The following CPNE3 variants were observed in gnomAD, a reference collection of about 807,000 sequenced individuals.
CPNE3 encodes copine 3, also known as copine-3.
CPNE3 carries 68 observed loss-of-function variants against 63.9 expected under a neutral mutation model. That is an observed-to-expected ratio of 1.06 (90% CI 0.87 to 1.30). CPNE3 has a LOEUF of 1.30. Among genes scored for constraint, CPNE3 ranks in the 50% most tolerant of loss-of-function variants. The pLI is 0.00. For synonymous variants in CPNE3, 219 were observed against 197.5 expected (o/e 1.11, Z -0.91); for missense variants, 665 against 578.1 (o/e 1.15, Z -1.54).
intron 9 of CPNE3, among the ~76,000 whole-genome samples, chr8:86,546,140 C>T (rs1291443962): frequency 6.6e-6 from 1 of 151,942 alleles, no homozygotes; most frequent in East Asian, 1.9e-4. Flanking sequence ...TAGAGTTGGG[C>T]TTCATATATT....
chr8:86,537,989 A>T (rs746990213), intron 7 of CPNE3, among the ~76,000 whole-genome samples: 172 of 149,682 alleles, frequency 1.1e-3, no homozygotes, highest in Non-Finnish European at 2.0e-3. Flanking sequence ...TCTCTCTCTC[A>T]CACACACACA....
Position 86,558,150 on chromosome 8 carries a change from C to T in CPNE3, c.1492-138C>T, listed in dbSNP as rs140637168. The T allele has an allele frequency of 3.1e-3, 1,917 of 623,144 alleles. 32 individuals are homozygous for T. The African/African-American group carries it at 0.031, about 10-fold the overall frequency. 38.6% of individuals were successfully genotyped at this position (623,144 alleles called of 1,614,324 possible). ...GTTAACTCATTCCATATTTCATGGG[C>T]GGTTCCTAAGAAAAGGTACAGGCCT... On this transcript the variant is annotated intron_variant, in intron 16 of 16. Coordinates refer to ENST00000517490, the MANE Select transcript of CPNE3 (RefSeq NM_003909.5).
intron 2 of CPNE3, among the ~76,000 whole-genome samples, chr8:86,526,434 T>C (rs1820541617): frequency 6.6e-6 from 1 of 151,956 alleles, no homozygotes. Flanking sequence ...CAGATAGTGA[T>C]AAAATGATAA....
chr8:86,552,892 T>G (rs1395165923), intron 14 of CPNE3, among the ~76,000 whole-genome samples: 26 of 117,974 alleles, frequency 2.2e-4, no homozygotes, highest in Non-Finnish European at 3.8e-4. Context: ...CAGGCTGGAG[T>G]GCAATGGCAC....
At chr8:86,535,504 G>A (rs1029312760) in intron 6 of CPNE3, among the ~76,000 whole-genome samples, 1 of 151,788 alleles carries the variant, frequency 6.6e-6, no homozygotes, top group Non-Finnish European at 1.5e-5. Context: ...CCTGTGTCTA[G>A]TAAAAATACA....
chr8:86,515,871 A>C (rs1312318183), intron 2 of CPNE3, among the ~76,000 whole-genome samples: 1 of 152,234 alleles, frequency 6.6e-6, no homozygotes, highest in African/African-American at 2.4e-5. Flanking sequence ...AGCCAGAGCC[A>C]AACAGAACTT....
At chr8:86,518,651 T>G (rs1460847091) in intron 2 of CPNE3, among the ~76,000 whole-genome samples, 6 of 152,232 alleles carry the variant, frequency 3.9e-5, no homozygotes, top group Admixed American at 3.9e-4. Context: ...GTAGGGGGTG[T>G]ATACCAACTT....
At chr8:86,515,070 A>C (rs1820251697) in intron 1 of CPNE3, 1 of 152,252 alleles carries the variant, frequency 6.6e-6, no homozygotes, top group African/African-American at 2.4e-5. Context: ...GAGTGGGAAG[A>C]GGTGACTCTT....
chr8:86,530,170 CTTTTT>C (rs71275863), intron 4 of CPNE3, among the ~76,000 whole-genome samples: 3 of 122,616 alleles, frequency 2.4e-5, no homozygotes, highest in Non-Finnish European at 3.5e-5. Flanking sequence ...AAATTGAATC[CTTTTT>C]TTTTTTTTTT....
intron 2 of CPNE3, among the ~76,000 whole-genome samples, chr8:86,520,271 G>A (rs1181509371): frequency 5.9e-5 from 9 of 152,178 alleles, no homozygotes; most frequent in African/African-American, 1.4e-4. Flanking sequence ...AAGGCTGGGC[G>A]CAGTGGCTCA....
chr8:86,541,194 C>G (rs1302031211), intron 8 of CPNE3, among the ~76,000 whole-genome samples: 3 of 152,154 alleles, frequency 2.0e-5, no homozygotes, highest in Non-Finnish European at 4.4e-5. Flanking sequence ...CAAGTTTTGA[C>G]TTAGTCCTTT....
chr8:86,529,679 C>A (rs1285699144), intron 4 of CPNE3, among the ~76,000 whole-genome samples: 1 of 152,114 alleles, frequency 6.6e-6, no homozygotes, highest in East Asian at 1.9e-4. Context: ...ATCTGTCTTC[C>A]CAGTATATGA....
chr8:86,522,198 A>T (rs925611033), intron 2 of CPNE3, among the ~76,000 whole-genome samples: 1 of 152,180 alleles, frequency 6.6e-6, no homozygotes, highest in Non-Finnish European at 1.5e-5. Context: ...CTCCAAGAGC[A>T]CTTTGATTGT....
Position 86,559,838 on chromosome 8 carries a change from G to A in CPNE3, c.*1428G>A, listed in dbSNP as rs1563705257. 6.6e-6 allele frequency: 1 copy of A among 152,100 alleles called. No homozygotes were observed. Among genetic ancestry groups the A allele is most frequent in the Non-Finnish European group, 1.5e-5 (1 of 68,018 alleles). The allele number at this position is 152,100 out of a possible 1,614,324, so 9.4% of individuals were successfully genotyped here. ...GCATGTTTATCATATATCCTTAAGT[G>A]GACACATACAGTGCCATGTTGATGT... On this transcript the variant is annotated 3_prime_UTR_variant, in exon 17 of 17. Transcript: ENST00000517490.
rs906375969 is a variant in CPNE3 at position 86,550,711 on chromosome 8, T to C, written c.1014-335T>C. The stretch of plus-strand genomic sequence containing the variant: ...CCATCAATTAGTAAAAAAAGAATTG[T>C]GATTTTCAGGGCTTCATGTATTTAT... On this transcript the variant is annotated intron_variant, in intron 12 of 16. Coordinates refer to ENST00000517490, the MANE Select transcript of CPNE3 (RefSeq NM_003909.5). Among the ~76,000 whole-genome samples, 5 of 152,340 alleles carry C rather than the reference T, an allele frequency of 3.3e-5. No homozygotes were observed. In the East Asian group the frequency reaches 9.6e-4, roughly 29 times the overall value.
intron 15 of CPNE3, among the ~76,000 whole-genome samples, chr8:86,555,889 A>G (rs1385158085): frequency 6.6e-6 from 1 of 152,080 alleles, no homozygotes; most frequent in Admixed American, 6.6e-5. Flanking sequence ...TGCCAACCCT[A>G]TTTTGTGGTC....
At chr8:86,537,206 A>G (rs369032902) in intron 6 of CPNE3, among the ~76,000 whole-genome samples, 1 of 152,316 alleles carries the variant, frequency 6.6e-6, no homozygotes. Flanking sequence ...AATGTTTGTG[A>G]TATCATTTAT....
chr8:86,551,353 G>T (rs1270122910), intron 14 of CPNE3, 119 bp downstream of exon 14: 2 of 728,386 alleles, frequency 2.7e-6, no homozygotes, highest in East Asian at 5.3e-5. Flanking sequence ...TCATCTCTAG[G>T]TTTCATTTTC....
chr8:86,551,318 T>C (rs1384168684), intron 14 of CPNE3, 84 bp downstream of exon 14: 2 of 1,000,924 alleles, frequency 2.0e-6, no homozygotes, highest in Admixed American at 2.0e-5. Flanking sequence ...TTGTTTTTTT[T>C]CTTGTGATTA....
Sources: allele counts gnomAD v4.1 joint callset (sites outside exome capture counted in the v4.1 genomes callset), GRCh38; gene constraint gnomAD v4.1.1; transcripts MANE v1.5; gene names NCBI Gene and HGNC (gene_info 2026-07-23, HGNC 2026-07-21).